CACNA1B: variants seen among roughly 807,000 people sequenced by gnomAD.
CACNA1B encodes voltage-dependent N-type calcium channel subunit alpha-1B.
Under a neutral mutation model 247.2 loss-of-function variants are expected in CACNA1B, and 70 were observed. The ratio of observed to expected loss-of-function variants is 0.28; its 90% CI spans 0.23 to 0.35. The LOEUF is 0.35. Ranked by LOEUF, CACNA1B falls within the 10% of genes least tolerant of loss-of-function variation. CACNA1B has a pLI of 1.00. For missense variants in CACNA1B, 2,367 were observed against 3,197.4 expected, an observed-to-expected ratio of 0.74 and a Z score of 6.26; for synonymous variants, 1,231 against 1,294.4, an observed-to-expected ratio of 0.95 and a Z score of 1.05.
At chr9:137,896,008 G>A (rs1957167656) in intron 3 of CACNA1B, among the ~76,000 whole-genome samples, 1 of 152,178 alleles carries the variant, frequency 6.6e-6, no homozygotes, top group African/African-American at 2.4e-5. Flanking sequence ...GGGAGGCCAA[G>A]ACAGGCAGAT....
intron 25 of CACNA1B, among the ~76,000 whole-genome samples, chr9:138,053,063 C>T (rs1055884837): frequency 3.9e-5 from 6 of 152,358 alleles, no homozygotes; most frequent in Middle Eastern, 6.8e-3. Flanking sequence ...GATGACAGGG[C>T]GGCCTCGGGC....
At position 138,046,528 on chromosome 9, in the gene CACNA1B, G is replaced by A. The variant is rs147009069; in HGVS notation, c.3414-376G>A. 2.4e-3 allele frequency among the ~76,000 whole-genome samples: 364 copies of A among 152,362 alleles called. 2 individuals carry two copies. Among genetic ancestry groups the A allele is most frequent in the Middle Eastern group, 0.014 (4 of 294 alleles). ...TCTGTGAAAGGGCTGGGTAGTTGAT[G>A]CTGTTGGCTTTGGACTGCTGTTGGC... On this transcript the variant is annotated intron_variant, in intron 21 of 46. Transcript: ENST00000371372.
intron 20 of CACNA1B, among the ~76,000 whole-genome samples, chr9:138,036,988 T>A (rs1391509595): frequency 6.6e-6 from 1 of 152,208 alleles, no homozygotes; most frequent in Non-Finnish European, 1.5e-5. Flanking sequence ...TTACGGTTGG[T>A]TTGAGTCAGG....
chr9:137,983,622 C>T (rs1227935701), intron 12 of CACNA1B, among the ~76,000 whole-genome samples: 2 of 152,144 alleles, frequency 1.3e-5, no homozygotes, highest in African/African-American at 4.8e-5. Flanking sequence ...AGAAAAGACT[C>T]AAGATGCAAT....
rs903150495 is a variant in CACNA1B at position 138,073,001 on chromosome 9, G to A, written c.4675-487G>A. ...CAGCGAGGGTCCCAGGCAAGCGAGG[G>A]CTTTGCTGACTGAGCCAGGGAGGAA... is the stretch of plus-strand genomic sequence containing the variant. On this transcript the variant is annotated intron_variant, in intron 32 of 46. Coordinates refer to ENST00000371372, the MANE Select transcript of CACNA1B (RefSeq NM_000718.4). The surrounding 1 kb of genome is among the most constrained non-coding windows in gnomAD (Gnocchi z 6.4). Among the ~76,000 whole-genome samples the A allele has an allele frequency of 1.3e-5, 2 of 152,234 alleles. No homozygotes were observed. The highest frequency in any genetic ancestry group is 4.8e-5 in the African/African-American group (2 of 41,462).
rs541916535 is a variant in CACNA1B at position 138,059,875 on chromosome 9, C to T, written c.4668+138C>T. On this transcript the variant is annotated intron_variant, in intron 31 of 46. Transcript: ENST00000371372. The surrounding 1 kb of genome is among the most constrained non-coding windows in gnomAD (Gnocchi z 4.2). ...ACCCCCTGGACATGTGGAGGCTTCG[C>T]TCCAGGGGTGGAGTTTAGGGATTGG... 9 of 636,206 alleles carry T rather than the reference C, an allele frequency of 1.4e-5. No homozygotes were observed. The highest frequency in any genetic ancestry group is 5.6e-5 in the Admixed American group (2 of 35,510). 39.4% of individuals were successfully genotyped at this position (636,206 alleles called of 1,614,324 possible).
chr9:138,003,763 A>G (rs1026097376), intron 15 of CACNA1B, among the ~76,000 whole-genome samples: 5 of 150,714 alleles, frequency 3.3e-5, no homozygotes, highest in Non-Finnish European at 7.4e-5. Context: ...GAAATGATCA[A>G]ACTCACGGGC....
intron 13 of CACNA1B, among the ~76,000 whole-genome samples, chr9:137,985,276 T>C (rs1274913036): frequency 1.3e-5 from 2 of 152,084 alleles, no homozygotes; most frequent in Admixed American, 6.5e-5. Context: ...TTGGGCAGAG[T>C]TGAGTCCCGC....
In CACNA1B at chr9:137,904,733, C is replaced by G. The variant is rs115867349; in HGVS notation, c.531-8447C>G. On this transcript the variant is annotated intron_variant, in intron 3 of 46. Transcript: ENST00000371372. ...AATGGTCTGCCAGGTGATGCTGAGG[C>G]TGCTGGGAGATCCTGGGTTGGTTCT... 9.3e-3 allele frequency among the ~76,000 whole-genome samples: 1,412 copies of G among 152,182 alleles called. 23 individuals are homozygous for G. The highest frequency in any genetic ancestry group is 0.032 in the African/African-American group (1,327 of 41,524).
Position 138,047,015 on chromosome 9 carries a change from A to G in CACNA1B, c.3525A>G (p.Thr1175=), listed in dbSNP as rs201588007. 30 of 1,611,676 alleles carry G rather than the reference A, an allele frequency of 1.9e-5. No individual in the cohort carries two copies. Among genetic ancestry groups the G allele is most frequent in the Non-Finnish European group, 2.5e-5 (29 of 1,178,518 alleles). The change falls in exon 22 of 47, where the codon ACA becomes ACG. Residue 1175 remains threonine (T), a synonymous_variant. Transcript: ENST00000371372. ...IALAAEDPVR[T]DSPRNNALKY... ...TGGCTGCTGAGGACCCAGTGCGCAC[A>G]GACTCGCCCAGGAACAACGTGAGTG...
At chr9:137,991,913 C>T (rs1958435918) in intron 15 of CACNA1B, among the ~76,000 whole-genome samples, 1 of 152,102 alleles carries the variant, frequency 6.6e-6, no homozygotes, top group African/African-American at 2.4e-5. Flanking sequence ...ACTACCAAGC[C>T]AGCACTATAA....
At chr9:138,104,580 T>C (rs147963091) in intron 38 of CACNA1B, among the ~76,000 whole-genome samples, 150 of 152,294 alleles carry the variant, frequency 9.8e-4, no homozygotes, top group African/African-American at 3.5e-3. Flanking sequence ...CAGGCTCATG[T>C]CTCCAGCCCG....
Position 137,950,826 on chromosome 9 carries a change from C to T in CACNA1B, c.967-1448C>T, listed in dbSNP as rs929946808. ...CTCTATTTTCTCCATCTTTCAGAGT[C>T]ATTCTATATTTGCTTTATGAATAAT... is the stretch of plus-strand genomic sequence containing the variant. On this transcript the variant is annotated intron_variant, in intron 6 of 46. Coordinates refer to ENST00000371372, the MANE Select transcript of CACNA1B (RefSeq NM_000718.4). The surrounding 1 kb of genome is among the most constrained non-coding windows in gnomAD (Gnocchi z 4.8). Among the ~76,000 whole-genome samples the T allele has an allele frequency of 2.6e-5, 4 of 152,214 alleles. No homozygotes were observed. Among genetic ancestry groups the T allele is most frequent in the Non-Finnish European group, 4.4e-5 (3 of 68,044 alleles).
chr9:137,915,302 A>G (rs552622818), intron 5 of CACNA1B, among the ~76,000 whole-genome samples: 1 of 152,364 alleles, frequency 6.6e-6, no homozygotes, highest in African/African-American at 2.4e-5. Context: ...GAGGTGTGGC[A>G]TCTTCTGATC....
rs188183535 is a variant in CACNA1B, at chr9:138,014,375, G to A, written c.2267+1140G>A. Among the ~76,000 whole-genome samples, 1 of 152,298 alleles carries A rather than the reference G, an allele frequency of 6.6e-6. No homozygotes were observed. The highest frequency in any genetic ancestry group is 2.4e-5 in the African/African-American group (1 of 41,566). ...GTCTCTAAGCCTAGCAGAAAGTGCT[G>A]GTCTTTGGGGCAGAAGCAGCTAGAA... On this transcript the variant is annotated intron_variant, in intron 18 of 46. Coordinates refer to ENST00000371372, the MANE Select transcript of CACNA1B (RefSeq NM_000718.4). This position sits in a 1 kb window ranked among gnomAD's most constrained non-coding sequence, Gnocchi z 6.2.
intron 31 of CACNA1B, among the ~76,000 whole-genome samples, chr9:138,061,142 A>G (rs561709848): frequency 2.4e-4 from 37 of 152,358 alleles, no homozygotes; most frequent in Non-Finnish European, 5.9e-5. Flanking sequence ...CCTGATTCCC[A>G]GAATTATGCA....
chr9:137,915,826 A>AC (rs1158802596), intron 5 of CACNA1B, among the ~76,000 whole-genome samples: 2 of 151,824 alleles, frequency 1.3e-5, no homozygotes, highest in Non-Finnish European at 2.9e-5. Flanking sequence ...AAAAGTTAAA[A>AC]AAAAAAAAAA....
At chr9:138,093,144 G>T (rs557522785) in intron 36 of CACNA1B, among the ~76,000 whole-genome samples, 1 of 152,204 alleles carries the variant, frequency 6.6e-6, no homozygotes, top group Admixed American at 6.5e-5. Flanking sequence ...AATAGGCCAG[G>T]TGCAGTAGCT....
intron 2 of CACNA1B, among the ~76,000 whole-genome samples, chr9:137,879,839 G>A (rs955925176): frequency 6.6e-6 from 1 of 152,196 alleles, no homozygotes; most frequent in Non-Finnish European, 1.5e-5. Flanking sequence ...GGCTGGGTCA[G>A]AGGAAGGGCA....
Sources: gnomAD v4.1 joint callset for allele counts (sites outside exome capture counted in the v4.1 genomes callset) on GRCh38, gnomAD v4.1.1 for gene constraint, Gnocchi (gnomAD v3.1) non-coding constraint, MANE v1.5 for transcripts, NCBI Gene and HGNC (gene_info 2026-07-23, HGNC 2026-07-21) for gene names.